ZNF236: variants seen among roughly 807,000 people sequenced by gnomAD.
The protein encoded by ZNF236 is regulated by glucose.
ZNF236 carries 50 observed loss-of-function variants against 191.2 expected under a neutral mutation model. The ratio of observed to expected loss-of-function variants is 0.26; its 90% CI spans 0.21 to 0.33. The LOEUF is 0.33. Ranked by LOEUF, ZNF236 falls within the 10% of genes least tolerant of loss-of-function variation. The probability of loss-of-function intolerance (pLI) is 1.00; values close to 1 mark genes in which losing one functional copy is unlikely to be tolerated. For synonymous variants in ZNF236, 907 were observed against 928.8 expected, an observed-to-expected ratio of 0.98 and a Z score of 0.43; for missense variants, 1,754 against 2,374.5, an observed-to-expected ratio of 0.74 and a Z score of 5.43.
chr18:76,860,911 G>T (rs1976200224), intron 3 of ZNF236, among the ~76,000 whole-genome samples: 1 of 152,180 alleles, frequency 6.6e-6, no homozygotes, highest in Non-Finnish European at 1.5e-5. Flanking sequence ...AGAAAGCGGG[G>T]AAGAGTCATG....
At chr18:76,841,730 G>A (rs1975512908) in intron 1 of ZNF236, among the ~76,000 whole-genome samples, 1 of 128,040 alleles carries the variant, frequency 7.8e-6, no homozygotes, top group Non-Finnish European at 1.6e-5. Flanking sequence ...TTTCAGTCTT[G>A]TCATCCAGGC....
At chr18:76,853,436 T>C (rs1975942332) in intron 3 of ZNF236, among the ~76,000 whole-genome samples, 1 of 152,212 alleles carries the variant, frequency 6.6e-6, no homozygotes, top group African/African-American at 2.4e-5. Flanking sequence ...CTTTACTATT[T>C]TAAAGTAATT....
rs558615286 is a variant in ZNF236, at chr18:76,965,415, C to A, written c.5420-2800C>A. Among the ~76,000 whole-genome samples the A allele has an allele frequency of 2.6e-5, 4 of 152,200 alleles. No homozygotes were observed. The East Asian group carries it at 7.7e-4, about 29-fold the overall frequency. ...TCAGGGACTTCTTCTGGGTTTGGAT[C>A]CATTGCTGGTGAGCTTGTGTGATTT... is the stretch of plus-strand genomic sequence containing the variant. On this transcript the variant is annotated intron_variant, in intron 30 of 30. Coordinates refer to ENST00000320610, the MANE Select transcript of ZNF236 (RefSeq NM_001306089.2).
chr18:76,878,105 G>T lies in ZNF236; in HGVS notation c.937G>T (p.Gly313Trp). 6.2e-7 allele frequency: 1 copy of T among 1,613,226 alleles called. No individual in the cohort carries two copies. The highest frequency in any genetic ancestry group is 8.5e-7 in the Non-Finnish European group (1 of 1,179,492). Residue 313 changes from glycine to tryptophan, a missense_variant, in exon 7 of 31, where the codon GGG becomes TGG. Gly to Trp is a radical substitution (Grantham distance 184, BLOSUM62 -2). Around this residue, in one of 5 missense-constraint regions of ZNF236, gnomAD observed 336 missense variants for 495.1 expected, o/e 0.68. Transcript: ENST00000320610. ...GCATATCAGCAAGATGCATATGGGT[G>T]GGCCACAGAATTCAACAAGTTCTAC... Reference protein sequence around the residue: ...NTHISKMHMGGPQNSTSSTET... With the variant: ...NTHISKMHMGWPQNSTSSTET...
At chr18:76,918,468 A>G (rs34548902) in intron 19 of ZNF236, among the ~76,000 whole-genome samples, 3,833 of 152,302 alleles carry the variant, frequency 0.025, 77 homozygotes, top group Non-Finnish European at 0.041. Context: ...TCTGTCACCC[A>G]GGCAGGAGTA....
chr18:76,855,685 G>A (rs968522331), intron 3 of ZNF236, among the ~76,000 whole-genome samples: 14 of 151,532 alleles, frequency 9.2e-5, no homozygotes, highest in African/African-American at 3.4e-4. Flanking sequence ...TATTTTTGTC[G>A]ATGTTTGAGT....
intron 25 of ZNF236, chr18:76,931,043 A>G (rs1967832448): frequency 6.6e-6 from 1 of 152,224 alleles, no homozygotes; most frequent in Non-Finnish European, 1.5e-5. Flanking sequence ...GTTTTCAGAT[A>G]CCACAATATT....
intron 30 of ZNF236, among the ~76,000 whole-genome samples, chr18:76,965,522 C>G (rs1968749779): frequency 6.6e-6 from 1 of 152,194 alleles, no homozygotes. Context: ...TAGGCTCTGT[C>G]AGAGGGAAGG....
chr18:76,923,079 G>A lies in ZNF236; in HGVS notation c.3566G>A (p.Arg1189Gln). The A allele has an allele frequency of 6.2e-7, 1 of 1,612,720 alleles. No homozygotes were observed. Among genetic ancestry groups the A allele is most frequent in the Non-Finnish European group, 8.5e-7 (1 of 1,178,882 alleles). Reference protein sequence around the residue: ...KKPSDLVRHVRIHTGEKPYKC... With the variant: ...KKPSDLVRHVQIHTGEKPYKC... Reference sequence around the variant, plus strand: ...TAATGCTTTTTGGATAGGCATGTTCGAATCCATACTGGAGAAAAGCCATAC... The same window carrying A: ...TAATGCTTTTTGGATAGGCATGTTCAAATCCATACTGGAGAAAAGCCATAC... The change falls in exon 21 of 31, where the codon CGA becomes CAA. Residue 1189 changes from arginine (R) to glutamine (Q), a missense_variant. Physicochemically the swap from Arg to Gln is conservative, Grantham distance 43. This residue lies in a region of ZNF236 where 45 missense variants were observed against 137.4 expected (regional missense o/e 0.33). Transcript: ENST00000320610.
At chr18:76,956,963 A>G (rs1303098334) in intron 28 of ZNF236, among the ~76,000 whole-genome samples, 1 of 152,228 alleles carries the variant, frequency 6.6e-6, no homozygotes, top group Non-Finnish European at 1.5e-5. Context: ...GCAGTGTGGG[A>G]TGAAAGTGGC....
chr18:76,850,254 G>A (rs1975820031), intron 2 of ZNF236, among the ~76,000 whole-genome samples: 1 of 152,182 alleles, frequency 6.6e-6, no homozygotes, highest in Admixed American at 6.5e-5. Flanking sequence ...CTAGGTAGGA[G>A]CATGTAAGCT....
rs141177949 is a variant in ZNF236, at chr18:76,920,276, C to T, written c.3557+218C>T. On this transcript the variant is annotated intron_variant, in intron 20 of 30. Transcript: ENST00000320610. Reference sequence around the variant, plus strand: ...ATTAATTAGTCTGTTTTCGGCTGTGCATGGTGGCTCACACCTGTAATCCCA... The same window carrying T: ...ATTAATTAGTCTGTTTTCGGCTGTGTATGGTGGCTCACACCTGTAATCCCA... Among the ~76,000 whole-genome samples, 296 of 152,164 alleles carry T rather than the reference C, an allele frequency of 1.9e-3. 3 individuals are homozygous for T. Among genetic ancestry groups the T allele is most frequent in the African/African-American group, 6.6e-3 (276 of 41,518 alleles).
chr18:76,947,768 A>G, intron 27 of ZNF236, 116 bp downstream of exon 27: 2 of 1,291,276 alleles, frequency 1.5e-6, no homozygotes, highest in Non-Finnish European at 2.1e-6. Context: ...GCTGGGGCTG[A>G]CTTCTGAGGT....
intron 26 of ZNF236, among the ~76,000 whole-genome samples, chr18:76,944,244 G>A (rs879944197): frequency 3.9e-5 from 6 of 152,264 alleles, no homozygotes; most frequent in Admixed American, 3.9e-4. Context: ...CTGGGGCTTG[G>A]TGCTTGCTGT....
chr18:76,870,882 T>C (rs1231511499), intron 4 of ZNF236, among the ~76,000 whole-genome samples: 2 of 151,868 alleles, frequency 1.3e-5, no homozygotes, highest in Non-Finnish European at 2.9e-5. Context: ...GAGATGGGAG[T>C]CCTTGGAGGG....
chr18:76,918,201 T>G (rs1967426891), intron 19 of ZNF236, among the ~76,000 whole-genome samples: 1 of 152,188 alleles, frequency 6.6e-6, no homozygotes, highest in South Asian at 2.1e-4. Flanking sequence ...TCAATTGGAA[T>G]GCGTCCTTAT....
intron 3 of ZNF236, among the ~76,000 whole-genome samples, chr18:76,860,410 G>C (rs537781880): frequency 6.6e-6 from 1 of 152,290 alleles, no homozygotes; most frequent in East Asian, 1.9e-4. Flanking sequence ...TCCATCACTG[G>C]AAAGAGAAAC....
intron 27 of ZNF236, among the ~76,000 whole-genome samples, chr18:76,950,610 A>G (rs542140845): frequency 6.6e-6 from 1 of 152,278 alleles, no homozygotes; most frequent in South Asian, 2.1e-4. Flanking sequence ...CCACATCTGT[A>G]GTTACTTCTT....
chr18:76,905,474 G>A lies in ZNF236; in HGVS notation c.2297+59G>A, dbSNP rs144251464. ...CTTTATAATTTCCAGTAGATGGTGG[G>A]GAGTGTTTTTAGGAAATAATTGTCT... On this transcript the variant is annotated intron_variant, in intron 13 of 30. Transcript: ENST00000320610. 5,328 of 1,556,134 alleles carry A rather than the reference G, an allele frequency of 3.4e-3. 15 individuals carry two copies. The highest frequency in any genetic ancestry group is 0.012 in the Middle Eastern group (71 of 5,864).
Sources: allele counts gnomAD v4.1 joint callset (sites outside exome capture counted in the v4.1 genomes callset), GRCh38; gene constraint gnomAD v4.1.1; regional missense constraint gnomAD v4.1.1; transcripts MANE v1.5; gene names NCBI Gene and HGNC (gene_info 2026-07-23, HGNC 2026-07-21).